The following SEMA3E variants were observed in gnomAD, a reference collection of about 807,000 sequenced individuals.
SEMA3E encodes semaphorin-3E.
Under a neutral mutation model 93.6 loss-of-function variants are expected in SEMA3E, and 49 were observed. That is an observed-to-expected ratio of 0.52 (90% CI 0.42 to 0.66). The LOEUF (loss-of-function observed/expected upper bound fraction) is 0.66. Ranked by LOEUF, SEMA3E falls within the 30% of genes least tolerant of loss-of-function variation. SEMA3E has a pLI of 0.00. For synonymous variants in SEMA3E, 363 were observed against 330.7 expected, an observed-to-expected ratio of 1.10 and a Z score of -1.06; for missense variants, 906 against 964.8, an observed-to-expected ratio of 0.94 and a Z score of 0.81.
At chr7:83,506,028 AAAAAAT>A (rs1790698163) in intron 1 of SEMA3E, among the ~76,000 whole-genome samples, 1 of 133,358 alleles carries the variant, frequency 7.5e-6, no homozygotes, top group Non-Finnish European at 1.6e-5. Flanking sequence ...AAAAAAAAAA[AAAAAAT>A]ATATATATAT....
Position 83,586,407 on chromosome 7 carries a change from G to A in SEMA3E, c.115+62021C>T, listed in dbSNP as rs924169951. On this transcript the variant is annotated intron_variant, in intron 1 of 16. Transcript: ENST00000643230. ...AATTTGGCATTACTAAACCATGTGG[G>A]ACACCTGGGGGTTCCTGAATCTCTG... Among the ~76,000 whole-genome samples the A allele has an allele frequency of 1.2e-4, 18 of 151,940 alleles. No individual in the cohort carries two copies. In the East Asian group the frequency reaches 3.5e-3, roughly 30 times the overall value.
At chr7:83,586,941 A>G (rs1358746602) in intron 1 of SEMA3E, among the ~76,000 whole-genome samples, 1 of 152,140 alleles carries the variant, frequency 6.6e-6, no homozygotes, top group Non-Finnish European at 1.5e-5. Flanking sequence ...TCAGCATAGG[A>G]GATTTCATGC....
At chr7:83,458,558 A>G (rs1789540920) in intron 4 of SEMA3E, among the ~76,000 whole-genome samples, 1 of 151,904 alleles carries the variant, frequency 6.6e-6, no homozygotes, top group Admixed American at 6.6e-5. Context: ...TCTGAACCGT[A>G]TGTGCAAGCA....
At chr7:83,609,515 T>C (rs1793203144) in intron 1 of SEMA3E, among the ~76,000 whole-genome samples, 1 of 151,924 alleles carries the variant, frequency 6.6e-6, no homozygotes, top group South Asian at 2.1e-4. Context: ...TAAATAAATA[T>C]TTTAGGCCTT....
intron 16 of SEMA3E, among the ~76,000 whole-genome samples, chr7:83,377,043 T>C (rs911061011): frequency 2.0e-5 from 3 of 151,994 alleles, no homozygotes; most frequent in African/African-American, 7.2e-5. Flanking sequence ...CAAATTCCCC[T>C]ACAGGAGATT....
intron 1 of SEMA3E, among the ~76,000 whole-genome samples, chr7:83,621,705 T>C (rs1793560874): frequency 6.6e-6 from 1 of 152,164 alleles, no homozygotes; most frequent in Non-Finnish European, 1.5e-5. Context: ...TACAACGATC[T>C]GATCTTTGAC....
intron 2 of SEMA3E, among the ~76,000 whole-genome samples, chr7:83,473,326 G>A (rs1339789535): frequency 2.6e-5 from 4 of 152,138 alleles, no homozygotes; most frequent in Non-Finnish European, 4.4e-5. Context: ...AATGTGTACT[G>A]TTGTTAGACT....
intron 1 of SEMA3E, among the ~76,000 whole-genome samples, chr7:83,509,760 T>TA (rs1388252340): frequency 6.6e-5 from 10 of 152,266 alleles, no homozygotes; most frequent in African/African-American, 2.2e-4. Flanking sequence ...ACTGGAATTT[T>TA]AAAAAAATTT....
intron 1 of SEMA3E, among the ~76,000 whole-genome samples, chr7:83,585,354 C>T (rs866777901): frequency 2.0e-5 from 3 of 152,142 alleles, no homozygotes; most frequent in Admixed American, 6.6e-5. Flanking sequence ...CCAGTATGTA[C>T]GTTCCATGAA....
At chr7:83,626,326 A>T (rs998502923) in intron 1 of SEMA3E, among the ~76,000 whole-genome samples, 1 of 152,114 alleles carries the variant, frequency 6.6e-6, no homozygotes, top group African/African-American at 2.4e-5. Flanking sequence ...CTGTGAATCC[A>T]TCTGGTCCTG....
intron 1 of SEMA3E, among the ~76,000 whole-genome samples, chr7:83,588,335 C>T (rs1792674826): frequency 6.6e-6 from 1 of 151,936 alleles, no homozygotes; most frequent in Non-Finnish European, 1.5e-5. Context: ...GAGCTGAGAC[C>T]GTGCCACTGC....
intron 1 of SEMA3E, among the ~76,000 whole-genome samples, chr7:83,527,969 AC>A (rs774683303): frequency 8.5e-5 from 13 of 152,106 alleles, no homozygotes; most frequent in Non-Finnish European, 1.9e-4. Flanking sequence ...AAGACAGATG[AC>A]CTTTTAAACA....
intron 10 of SEMA3E, among the ~76,000 whole-genome samples, chr7:83,401,190 T>C (rs1277231609): frequency 6.6e-6 from 1 of 152,170 alleles, no homozygotes; most frequent in African/African-American, 2.4e-5. Flanking sequence ...GTAGCTTAAG[T>C]TACTCATTGG....
intron 1 of SEMA3E, chr7:83,616,679 G>A: frequency 6.6e-6 from 3 of 452,640 alleles, no homozygotes; most frequent in South Asian, 3.1e-5. Context: ...AGGCCCAGAT[G>A]AGATCCCACC....
rs745972400 is a variant in SEMA3E at position 83,367,464 on chromosome 7, T to C, written c.*122A>G. Reference sequence around the variant, plus strand: ...AGAATAATTTATTATAACACCTTCATAGTCATTCCTGTATTACAGAAATCT... The same window carrying C: ...AGAATAATTTATTATAACACCTTCACAGTCATTCCTGTATTACAGAAATCT... On this transcript the variant is annotated 3_prime_UTR_variant, in exon 17 of 17. Transcript: ENST00000643230. 7 of 977,828 alleles carry C rather than the reference T, an allele frequency of 7.2e-6. No individual in the cohort carries two copies. The highest frequency in any genetic ancestry group is 1.1e-5 in the Non-Finnish European group (7 of 611,010). 60.6% of individuals were successfully genotyped at this position (977,828 alleles called of 1,614,324 possible).
At chr7:83,555,545 C>T (rs955403926) in intron 1 of SEMA3E, among the ~76,000 whole-genome samples, 2 of 152,194 alleles carry the variant, frequency 1.3e-5, no homozygotes, top group African/African-American at 2.4e-5. Flanking sequence ...TAGAGGCAAA[C>T]GTATTTTCCA....
rs564344764 is a variant in SEMA3E at position 83,632,865 on chromosome 7, C to G, written c.115+15563G>C. 3.9e-5 allele frequency among the ~76,000 whole-genome samples: 6 copies of G among 152,164 alleles called. No homozygotes were observed. The South Asian group carries it at 1.2e-3, about 32-fold the overall frequency. ...ATGGAATTCCTTGTCAGGCAGTAAT[C>G]TCTCTCTCAATGAAAATGCACAAAT... is the stretch of plus-strand genomic sequence containing the variant. On this transcript the variant is annotated intron_variant, in intron 1 of 16. Coordinates refer to ENST00000643230, the MANE Select transcript of SEMA3E (RefSeq NM_012431.3).
At chr7:83,617,783 T>C (rs1793412294) in intron 1 of SEMA3E, among the ~76,000 whole-genome samples, 1 of 151,544 alleles carries the variant, frequency 6.6e-6, no homozygotes, top group Admixed American at 6.6e-5. Context: ...AGTAAAGTAG[T>C]GTTTAAAAAG....
In SEMA3E at chr7:83,392,624, C is replaced by T. The variant is rs773304273; in HGVS notation, c.1598G>A (p.Arg533Gln). Reference protein sequence around the residue: ...GSACADCCLARDPYCAWDGIS... With the variant: ...GSACADCCLAQDPYCAWDGIS... ...GCCATCCCAGGCACAGTAAGGGTCT[C>T]GAGCCAGGCAGCAGTCAGCACAAGC... is the stretch of plus-strand genomic sequence containing the variant. Residue 533 changes from arginine (R) to glutamine (Q), a missense_variant, in exon 14 of 17, where the codon CGA becomes CAA. Physicochemically the swap from Arg to Gln is conservative, Grantham distance 43. Transcript: ENST00000643230. The T allele has an allele frequency of 1.9e-6, 3 of 1,613,834 alleles. No individual in the cohort carries two copies. The highest frequency in any genetic ancestry group is 2.5e-6 in the Non-Finnish European group (3 of 1,179,892).
Sources: allele counts gnomAD v4.1 joint callset (sites outside exome capture counted in the v4.1 genomes callset), GRCh38; gene constraint gnomAD v4.1.1; transcripts MANE v1.5; gene names NCBI Gene and HGNC (gene_info 2026-07-23, HGNC 2026-07-21).